CD22: variants seen among roughly 807,000 people sequenced by gnomAD.
CD22 encodes the protein B-cell receptor CD22.
A neutral mutation model predicts 94.7 loss-of-function variants in CD22; 51 were observed. The ratio of observed to expected loss-of-function variants is 0.54; its 90% confidence interval spans 0.43 to 0.68. The LOEUF is 0.68. Among genes scored for constraint, CD22 ranks in the 30% least tolerant of loss-of-function variants. The pLI, the probability that CD22 is intolerant of heterozygous loss-of-function variation, is 0.00. For synonymous variants in CD22, 424 were observed against 422.5 expected, an observed-to-expected ratio of 1.00 and a Z score of -0.04; for missense variants, 931 against 1,060.4, an observed-to-expected ratio of 0.88 and a Z score of 1.69.
intron 11 of CD22, chr19:35,345,355 AG>A (rs1297460643): frequency 1.8e-5 from 9 of 502,288 alleles, no homozygotes; most frequent in Non-Finnish European, 2.5e-5. Context: ...TGGGAGGCAG[AG>A]GTTGCAGTGA....
chr19:35,331,807 A>T, intron 1 of CD22: 1 of 925,908 alleles, frequency 1.1e-6, no homozygotes, highest in Non-Finnish European at 1.5e-6. Context: ...AGATCACACC[A>T]CTGCACTCTA....
At position 35,341,891 on chromosome 19, in the gene CD22, C is replaced by G. The variant is rs771134417; in HGVS notation, c.1961C>G (p.Ser654Trp). The G allele has an allele frequency of 2.5e-6, 4 of 1,613,952 alleles. No individual in the cohort carries two copies. Among genetic ancestry groups the G allele is most frequent in the Non-Finnish European group, 3.4e-6 (4 of 1,180,010 alleles). The part of the protein sequence containing the change: ...LRLEPVKVQH[S>W]GAYWCQGTNS... ...TTGGAGCCGGTGAAGGTCCAGCACT[C>G]GGGTGCCTACTGGTGCCAGGGGACC... The change falls in exon 9 of 14, where the codon TCG (serine) becomes TGG (tryptophan). Residue 654 changes from serine (S) to tryptophan (W), a missense_variant. Physicochemically the swap from Ser to Trp is radical, Grantham distance 177 (BLOSUM62 -3). Transcript: ENST00000085219. This position sits in a 1 kb window ranked among gnomAD's most constrained non-coding sequence, Gnocchi z 4.0.
In CD22 at chr19:35,332,957, G is replaced by A. The variant is rs1283037674; in HGVS notation, c.412+33G>A. The A allele has an allele frequency of 2.5e-6, 4 of 1,593,372 alleles. 1 individual carries two copies. Among genetic ancestry groups the A allele is most frequent in the Middle Eastern group, 3.4e-4 (2 of 5,820 alleles). ...CTTCGGGGAGCGGGTCCTCTGCTCT[G>A]GGCAGGGGTGAGTGGGAGGCAGGAA... On this transcript the variant is annotated intron_variant, in intron 3 of 13. Coordinates refer to ENST00000085219, the MANE Select transcript of CD22 (RefSeq NM_001771.4).
In CD22 at chr19:35,337,674, G is replaced by A. The variant is rs2066744470; in HGVS notation, c.719-81G>A. ...GAAGGGACTGGCAGGCCATGGCTTT[G>A]TCAGAATAAAAGCACTTTCCACACC... On this transcript the variant is annotated intron_variant, in intron 4 of 13. Transcript: ENST00000085219. The surrounding 1 kb of genome is among the most constrained non-coding windows in gnomAD (Gnocchi z 4.4). The A allele has an allele frequency of 7.8e-7, 1 of 1,286,360 alleles. No individual in the cohort carries two copies. The highest frequency in any genetic ancestry group is 1.5e-5 in the African/African-American group (1 of 67,856). 79.7% of individuals were successfully genotyped at this position (1,286,360 alleles called of 1,614,324 possible). A position where few individuals can be genotyped will look rare whatever the true frequency, so the allele number is the denominator to read the frequency against.
rs140037563 is a variant in CD22 at position 35,341,936 on chromosome 19, G to T, written c.2006G>T (p.Arg669Leu). Residue 669 changes from arginine (R) to leucine (L), a missense_variant, in exon 9 of 14, where the codon CGT becomes CTT. By Grantham distance (102) the Arg-to-Leu change is moderately radical (BLOSUM62 -2). Coordinates refer to ENST00000085219, the MANE Select transcript of CD22 (RefSeq NM_001771.4). This position sits in a 1 kb window ranked among gnomAD's most constrained non-coding sequence, Gnocchi z 4.0. ...GGGACCAACAGTGTGGGCAAGGGCC[G>T]TTCGCCTCTCAGCACCCTCACCGTC... Reference protein sequence around the residue: ...CQGTNSVGKGRSPLSTLTVYY... With the variant: ...CQGTNSVGKGLSPLSTLTVYY... 1.1e-5 allele frequency: 17 copies of T among 1,613,406 alleles called. No homozygotes were observed. Among genetic ancestry groups the T allele is most frequent in the Middle Eastern group, 1.6e-4 (1 of 6,080 alleles).
intron 3 of CD22, among the ~76,000 whole-genome samples, chr19:35,334,608 G>A (rs745447565): frequency 3.9e-5 from 6 of 152,140 alleles, no homozygotes; most frequent in African/African-American, 1.2e-4. Context: ...TTCAGACCCC[G>A]CTGTCTGAAG....
At chr19:35,336,695 G>A in intron 4 of CD22, 1 of 272,076 alleles carries the variant, frequency 3.7e-6, no homozygotes, top group Non-Finnish European at 7.1e-6. Context: ...CTGCCAATGG[G>A]GGGCATGGGG....
chr19:35,338,503 G>A (rs907499563), intron 6 of CD22, 72 bp downstream of exon 6: 3 of 1,507,286 alleles, frequency 2.0e-6, no homozygotes, highest in Non-Finnish European at 1.8e-6. Flanking sequence ...CAGATGGGGT[G>A]CAGGGCATTC....
intron 1 of CD22, chr19:35,330,753 T>A (rs1333597305): frequency 2.0e-5 from 3 of 152,186 alleles, no homozygotes; most frequent in Non-Finnish European, 4.4e-5. Context: ...CGGAGGGCCA[T>A]GATCATGTAA....
In CD22 at chr19:35,337,653, G is replaced by A; in HGVS notation, c.719-102G>A. 2 of 1,022,282 alleles carry A rather than the reference G, an allele frequency of 2.0e-6. No homozygotes were observed. Among genetic ancestry groups the A allele is most frequent in the South Asian group, 1.7e-5 (1 of 60,150 alleles). 63.3% of individuals were successfully genotyped at this position (1,022,282 alleles called of 1,614,324 possible). A position where few individuals can be genotyped will look rare whatever the true frequency, so the allele number is the denominator to read the frequency against. The stretch of plus-strand genomic sequence containing the variant: ...GGCTGTGACCATCACCTGGGTGAAG[G>A]GACTGGCAGGCCATGGCTTTGTCAG... On this transcript the variant is annotated intron_variant, in intron 4 of 13. Transcript: ENST00000085219. The surrounding 1 kb of genome is among the most constrained non-coding windows in gnomAD (Gnocchi z 4.4).
rs2066753152 is a variant in CD22 at position 35,338,177 on chromosome 19, A to G, written c.995A>G (p.Glu332Gly). The G allele has an allele frequency of 1.2e-6, 2 of 1,611,190 alleles. No homozygotes were observed. The highest frequency in any genetic ancestry group is 1.7e-6 in the Non-Finnish European group (2 of 1,178,148). ...CTGCCCCCTCTTCCAGATGCCCCGG[A>G]ACCTTCCACGGTTCAGATCCTCCAC... is the stretch of plus-strand genomic sequence containing the variant. ...EVFLQVQYAP[E>G]PSTVQILHSP... Residue 332 changes from glutamate (E) to glycine (G), a missense_variant, in exon 6 of 14, where the codon GAA becomes GGA. Physicochemically the swap from Glu to Gly is moderately conservative, Grantham distance 98. Transcript: ENST00000085219.
rs1235498220 is a variant in CD22, at chr19:35,347,285, T to G, written c.*588T>G. The stretch of plus-strand genomic sequence containing the variant: ...GACTCTGGGGACTCCGGGTTTGAGA[T>G]GGACACACTGGTGTGGATTAACCTG... On this transcript the variant is annotated 3_prime_UTR_variant, in exon 14 of 14. Coordinates refer to ENST00000085219, the MANE Select transcript of CD22 (RefSeq NM_001771.4). 6.5e-6 allele frequency: 1 copy of G among 152,706 alleles called. No individual in the cohort carries two copies. Among genetic ancestry groups the G allele is most frequent in the African/African-American group, 2.4e-5 (1 of 41,422 alleles). 9.5% of individuals were successfully genotyped at this position (152,706 alleles called of 1,614,324 possible).
intron 3 of CD22, 82 bp from the exon 4 acceptor site, chr19:35,335,954 T>A: frequency 8.4e-7 from 1 of 1,196,810 alleles, no homozygotes; most frequent in Non-Finnish European, 1.2e-6. Flanking sequence ...TGAGGGGTGA[T>A]TTGGGACAGG....
At position 35,341,303 on chromosome 19, in the gene CD22, C is replaced by G; in HGVS notation, c.1508-40C>G. 6.2e-7 allele frequency: 1 copy of G among 1,604,306 alleles called. No individual in the cohort carries two copies. Among genetic ancestry groups the G allele is most frequent in the Non-Finnish European group, 8.5e-7 (1 of 1,173,812 alleles). ...GGAGGCCTGGGGACAGCAAAAGGGA[C>G]AGGGAGCGGAGAGGTCAGCTTGGGA... On this transcript the variant is annotated intron_variant, in intron 7 of 13. Transcript: ENST00000085219. The surrounding 1 kb of genome is among the most constrained non-coding windows in gnomAD (Gnocchi z 4.0).
At position 35,340,943 on chromosome 19, in the gene CD22, G is replaced by C; in HGVS notation, c.1312G>C (p.Val438Leu). 1 of 1,614,194 alleles carries C rather than the reference G, an allele frequency of 6.2e-7. No homozygotes were observed. The highest frequency in any genetic ancestry group is 8.5e-7 in the Non-Finnish European group (1 of 1,180,044). ...CATGCCGATTCGAGAAGGAGACACA[G>C]TGACCCTTTCCTGTAACTACAATTC... Reference protein sequence around the residue: ...NPMPIREGDTVTLSCNYNSSN... With the variant: ...NPMPIREGDTLTLSCNYNSSN... Residue 438 changes from valine (V) to leucine (L), a missense_variant, in exon 7 of 14, where the codon GTG becomes CTG. By Grantham distance (32) the Val-to-Leu change is conservative (BLOSUM62 1). Coordinates refer to ENST00000085219, the MANE Select transcript of CD22 (RefSeq NM_001771.4).
intron 3 of CD22, among the ~76,000 whole-genome samples, chr19:35,334,169 G>A (rs889235389): frequency 7.9e-5 from 12 of 152,184 alleles, no homozygotes; most frequent in African/African-American, 2.7e-4. Context: ...CCTCCCGATC[G>A]TCAAAGCTGT....
intron 12 of CD22, 120 bp from the exon 13 acceptor site, chr19:35,346,031 G>T: frequency 1.3e-6 from 1 of 758,968 alleles, no homozygotes; most frequent in Non-Finnish European, 2.3e-6. Context: ...CACTGGGGAG[G>T]CCACAGGTTT....
chr19:35,335,098 A>T (rs945475112), intron 3 of CD22, among the ~76,000 whole-genome samples: 3 of 142,904 alleles, frequency 2.1e-5, no homozygotes, highest in African/African-American at 7.8e-5. Flanking sequence ...AAAAAAAAAA[A>T]AGAGGTGGTG....
chr19:35,329,661 A>G (rs2066618809), intron 1 of CD22: 1 of 186,684 alleles, frequency 5.4e-6, no homozygotes, highest in South Asian at 1.2e-4. Flanking sequence ...TCCTTGAGGC[A>G]GCACACAGTC....
Sources: gnomAD v4.1 joint callset for allele counts (sites outside exome capture counted in the v4.1 genomes callset) on GRCh38, gnomAD v4.1.1 for gene constraint, Gnocchi (gnomAD v3.1) non-coding constraint, MANE v1.5 for transcripts, NCBI Gene and HGNC (gene_info 2026-07-23, HGNC 2026-07-21) for gene names.